The following CARMIL1 variants were observed in gnomAD, a reference collection of about 807,000 sequenced individuals.
CARMIL1 encodes F-actin-uncapping protein LRRC16A.
In CARMIL1, 90 loss-of-function variants were observed where a neutral mutation model predicts 177.1. The ratio of observed to expected loss-of-function variants is 0.51; its 90% confidence interval spans 0.43 to 0.61. The LOEUF is 0.61. CARMIL1 is among the 20% of genes least tolerant of loss of function. The pLI is 0.00. For missense variants in CARMIL1, 1,380 were observed against 1,667.0 expected, an observed-to-expected ratio of 0.83 and a Z score of 3.00; for synonymous variants, 577 against 606.2, an observed-to-expected ratio of 0.95 and a Z score of 0.71.
chr6:25,591,847 C>A (rs777950915), intron 31 of CARMIL1, among the ~76,000 whole-genome samples: 2 of 152,090 alleles, frequency 1.3e-5, no homozygotes, highest in African/African-American at 4.8e-5. Context: ...TCTGTAGGGG[C>A]CAGTCCAGCC....
intron 2 of CARMIL1, among the ~76,000 whole-genome samples, chr6:25,397,314 C>A (rs750901837): frequency 1.3e-5 from 2 of 152,134 alleles, no homozygotes; most frequent in African/African-American, 4.8e-5. Context: ...GCCAAGGGGG[C>A]CTTGCAGGCT....
chr6:25,493,248 C>G (rs1194837338), intron 15 of CARMIL1, among the ~76,000 whole-genome samples: 1 of 152,202 alleles, frequency 6.6e-6, no homozygotes, highest in Non-Finnish European at 1.5e-5. Context: ...AACAAATTGT[C>G]TTGTCTTCCA....
intron 2 of CARMIL1, among the ~76,000 whole-genome samples, chr6:25,360,562 G>GGCAATTATT (rs948777386): frequency 6.6e-6 from 1 of 151,886 alleles, no homozygotes; most frequent in Non-Finnish European, 1.5e-5. Flanking sequence ...AATTTTTTTT[G>GGCAATTATT]GCAATTATTT....
At chr6:25,303,197 G>C (rs1415828134) in intron 2 of CARMIL1, among the ~76,000 whole-genome samples, 1 of 151,616 alleles carries the variant, frequency 6.6e-6, no homozygotes, top group Non-Finnish European at 1.5e-5. Context: ...TAGGCTTTCA[G>C]TGATGACACT....
chr6:25,441,347 G>GTGTGTGTGTGTGTA (rs1554196417), intron 5 of CARMIL1, among the ~76,000 whole-genome samples: 19 of 115,740 alleles, frequency 1.6e-4, no homozygotes, highest in Admixed American at 4.2e-4. Context: ...ATGTGTGTGT[G>GTGTGTGTGTGTGTA]TGTGTGTGTG....
intron 2 of CARMIL1, among the ~76,000 whole-genome samples, chr6:25,415,502 C>A (rs1410440): frequency 0.41 from 59,814 of 144,330 alleles, 12,144 homozygotes; most frequent in Middle Eastern, 0.49. Context: ...GTAGTGGGAG[C>A]GTTATTCCCT....
intron 2 of CARMIL1, among the ~76,000 whole-genome samples, chr6:25,374,901 AT>A (rs1790830324): frequency 6.6e-6 from 1 of 152,184 alleles, no homozygotes; most frequent in Non-Finnish European, 1.5e-5. Context: ...CCTGGAGTCT[AT>A]AAGAATCCTT....
At chr6:25,525,507 A>G (rs1807008016) in intron 23 of CARMIL1, among the ~76,000 whole-genome samples, 1 of 152,236 alleles carries the variant, frequency 6.6e-6, no homozygotes, top group African/African-American at 2.4e-5. Context: ...GGGAGAAGGA[A>G]AATGATATAG....
At chr6:25,421,955 G>T (rs1469175663) in intron 3 of CARMIL1, among the ~76,000 whole-genome samples, 1 of 151,158 alleles carries the variant, frequency 6.6e-6, no homozygotes, top group Non-Finnish European at 1.5e-5. Flanking sequence ...CACCAACATG[G>T]CACATGTATA....
intron 4 of CARMIL1, among the ~76,000 whole-genome samples, chr6:25,428,999 A>G (rs1260283810): frequency 1.3e-5 from 2 of 152,136 alleles, no homozygotes; most frequent in Non-Finnish European, 2.9e-5. Flanking sequence ...TATTTTTAAC[A>G]TGGGTGCCTT....
At chr6:25,289,374 A>G (rs1781761823) in intron 2 of CARMIL1, among the ~76,000 whole-genome samples, 1 of 152,200 alleles carries the variant, frequency 6.6e-6, no homozygotes, top group African/African-American at 2.4e-5. Flanking sequence ...ATTTTAACTT[A>G]TGTATTTTTT....
At chr6:25,545,314 G>A (rs1014052476) in intron 26 of CARMIL1, among the ~76,000 whole-genome samples, 3 of 152,040 alleles carry the variant, frequency 2.0e-5, no homozygotes, top group African/African-American at 7.2e-5. Flanking sequence ...CACCCAAATG[G>A]CAATAGAAGA....
At chr6:25,445,789 C>T (rs370959102) in intron 5 of CARMIL1, among the ~76,000 whole-genome samples, 13 of 152,056 alleles carry the variant, frequency 8.5e-5, no homozygotes, top group East Asian at 3.8e-4. Context: ...CCACACGCCT[C>T]GGCTGGGATT....
At chr6:25,587,126 A>G (rs1200084773) in intron 31 of CARMIL1, among the ~76,000 whole-genome samples, 1 of 152,128 alleles carries the variant, frequency 6.6e-6, no homozygotes, top group East Asian at 1.9e-4. Context: ...ATCAAACCAC[A>G]GTCATTTTGA....
At chr6:25,562,793 C>A (rs1373344010) in intron 29 of CARMIL1, among the ~76,000 whole-genome samples, 1 of 152,158 alleles carries the variant, frequency 6.6e-6, no homozygotes, top group Non-Finnish European at 1.5e-5. Context: ...AAAATGACTT[C>A]AAACATGAAC....
At chr6:25,543,655 A>G (rs1279127418) in intron 26 of CARMIL1, among the ~76,000 whole-genome samples, 1 of 152,146 alleles carries the variant, frequency 6.6e-6, no homozygotes, top group Admixed American at 6.5e-5. Flanking sequence ...CTTGACTGGT[A>G]AATTTCAGCT....
chr6:25,576,968 G>T (rs982240472), intron 29 of CARMIL1: 6 of 984,484 alleles, frequency 6.1e-6, no homozygotes, highest in Non-Finnish European at 7.2e-6. Flanking sequence ...TCTTTTTGCT[G>T]CATGGAGACT....
intron 12 of CARMIL1, among the ~76,000 whole-genome samples, chr6:25,484,174 A>G (rs976843451): frequency 1.3e-5 from 2 of 152,150 alleles, no homozygotes; most frequent in African/African-American, 4.8e-5. Context: ...CCTCTATCTT[A>G]GCATGTGTCC....
chr6:25,556,373 A>G (rs1810606875), intron 28 of CARMIL1, among the ~76,000 whole-genome samples: 2 of 152,174 alleles, frequency 1.3e-5, no homozygotes, highest in African/African-American at 4.8e-5. Flanking sequence ...TGAAAGTTGG[A>G]ATTGTTTTAT....
Sources: gnomAD v4.1 joint callset for allele counts (sites outside exome capture counted in the v4.1 genomes callset) on GRCh38, gnomAD v4.1.1 for gene constraint, MANE v1.5 for transcripts, NCBI Gene and HGNC (gene_info 2026-07-23, HGNC 2026-07-21) for gene names.